The following RABGAP1L variants were observed in gnomAD, a reference collection of about 807,000 sequenced individuals.
RABGAP1L encodes RAB GTPase activating protein 1 like.
A neutral mutation model predicts 137.7 loss-of-function variants in RABGAP1L; 63 were observed. The ratio of observed to expected loss-of-function variants is 0.46; its 90% confidence interval spans 0.37 to 0.56. The LOEUF (loss-of-function observed/expected upper bound fraction) is 0.56. Ranked by LOEUF, RABGAP1L falls within the 20% of genes least tolerant of loss-of-function variation. The probability of loss-of-function intolerance (pLI) is 0.00; values close to 1 mark genes in which losing one functional copy is unlikely to be tolerated. For synonymous variants in RABGAP1L, 431 were observed against 433.7 expected (o/e 0.99, Z 0.08); for missense variants, 1,095 against 1,244.0 (o/e 0.88, Z 1.80).
chr1:174,318,333 A>G (rs886530839), intron 11 of RABGAP1L, among the ~76,000 whole-genome samples: 1 of 152,102 alleles, frequency 6.6e-6, no homozygotes, highest in Non-Finnish European at 1.5e-5. Flanking sequence ...TTTGCATGGG[A>G]TAACTTTTCT....
intron 17 of RABGAP1L, among the ~76,000 whole-genome samples, chr1:174,715,092 T>C (rs1292634737): frequency 6.6e-6 from 1 of 152,160 alleles, no homozygotes; most frequent in Non-Finnish European, 1.5e-5. Context: ...ATTTTCATAG[T>C]ATACATTTGC....
intron 14 of RABGAP1L, among the ~76,000 whole-genome samples, chr1:174,671,002 C>T: frequency 6.6e-6 from 1 of 152,130 alleles, no homozygotes; most frequent in East Asian, 1.9e-4. Context: ...AATTTACGTT[C>T]CCACCAACAG....
In RABGAP1L at chr1:174,991,131, A is replaced by C. The variant is rs1672028817; in HGVS notation, c.*1130A>C. On this transcript the variant is annotated 3_prime_UTR_variant, in exon 26 of 26. Transcript: ENST00000681986. ...TGATTGAATATAAAACCTTTACAGA[A>C]ATACTTATCTCATGGAAAGGTAAAG... 6.6e-6 allele frequency: 1 copy of C among 152,228 alleles called. No individual in the cohort carries two copies. Among genetic ancestry groups the C allele is most frequent in the South Asian group, 2.1e-4 (1 of 4,828 alleles). The allele number at this position is 152,228 out of a possible 1,614,324, so 9.4% of individuals were successfully genotyped here.
At chr1:174,461,315 G>T (rs1286691585) in intron 13 of RABGAP1L, among the ~76,000 whole-genome samples, 1 of 152,108 alleles carries the variant, frequency 6.6e-6, no homozygotes, top group African/African-American at 2.4e-5. Context: ...CCCAGGCCTG[G>T]TATTGATACT....
At chr1:174,787,135 G>A (rs1687502917) in intron 18 of RABGAP1L, among the ~76,000 whole-genome samples, 1 of 152,160 alleles carries the variant, frequency 6.6e-6, no homozygotes, top group African/African-American at 2.4e-5. Context: ...GGACATAGTG[G>A]CTCACACCTG....
chr1:174,833,612 G>A (rs533157679), intron 19 of RABGAP1L, among the ~76,000 whole-genome samples: 7 of 150,396 alleles, frequency 4.7e-5, no homozygotes, highest in Admixed American at 6.7e-5. Flanking sequence ...AGTGCAGTAT[G>A]ATCATTTACA....
At chr1:174,195,758 T>TC (rs1353850753) in intron 1 of RABGAP1L, among the ~76,000 whole-genome samples, 16 of 133,946 alleles carry the variant, frequency 1.2e-4, no homozygotes, top group African/African-American at 3.7e-4. Flanking sequence ...TTTCTCTCTT[T>TC]CTCTCTTTCT....
intron 19 of RABGAP1L, among the ~76,000 whole-genome samples, chr1:174,944,274 CAAAAA>C (rs56225773): frequency 3.9e-5 from 2 of 50,860 alleles, no homozygotes; most frequent in South Asian, 6.9e-4. Flanking sequence ...AAGACTGTCT[CAAAAA>C]AAAAAAAAAA....
At chr1:174,331,155 G>A (rs1313828915) in intron 11 of RABGAP1L, among the ~76,000 whole-genome samples, 1 of 152,034 alleles carries the variant, frequency 6.6e-6, no homozygotes, top group East Asian at 1.9e-4. Flanking sequence ...ATGAAACTAG[G>A]CCCCTCTCTC....
chr1:174,462,122 T>G (rs1319877841), intron 13 of RABGAP1L, among the ~76,000 whole-genome samples: 2 of 152,266 alleles, frequency 1.3e-5, no homozygotes, highest in East Asian at 3.9e-4. Context: ...AACTTTTCCC[T>G]GACTATGCTC....
At chr1:174,587,773 C>G (rs1214172752) in intron 13 of RABGAP1L, among the ~76,000 whole-genome samples, 1 of 150,370 alleles carries the variant, frequency 6.7e-6, no homozygotes, top group African/African-American at 2.4e-5. Context: ...CAATGCATGA[C>G]AATAACATCA....
chr1:174,365,005 C>T (rs1342485236), intron 11 of RABGAP1L, among the ~76,000 whole-genome samples: 1 of 152,170 alleles, frequency 6.6e-6, no homozygotes, highest in East Asian at 1.9e-4. Flanking sequence ...GTCCAAGATG[C>T]AAGACAGAGT....
chr1:174,486,351 C>CT (rs200712256), intron 13 of RABGAP1L, among the ~76,000 whole-genome samples: 215 of 132,284 alleles, frequency 1.6e-3, no homozygotes, highest in East Asian at 4.3e-3. Context: ...CTGCTCTGAT[C>CT]TTTTTTTTTT....
rs34780076 is a variant in RABGAP1L at position 174,778,602 on chromosome 1, A to AT, written c.2211+26258dup. 1.4e-4 allele frequency among the ~76,000 whole-genome samples: 21 copies of AT among 147,740 alleles called. 1 individual carries two copies. Among genetic ancestry groups the AT allele is most frequent in the South Asian group, 6.4e-4 (3 of 4,676 alleles). On this transcript the variant is annotated intron_variant, in intron 18 of 25. Coordinates refer to ENST00000681986, the MANE Select transcript of RABGAP1L (RefSeq NM_001366446.1). The stretch of plus-strand genomic sequence containing the variant: ...AACAATAAGTCCTTGAACCTTCTGC[A>AT]TTTTTTTTTTAAGTCAGAGTCTCAC...
intron 13 of RABGAP1L, among the ~76,000 whole-genome samples, chr1:174,527,681 G>A (rs1393827894): frequency 1.3e-5 from 2 of 152,112 alleles, no homozygotes; most frequent in African/African-American, 4.8e-5. Context: ...TAAATCCAAT[G>A]TTTCTTTACT....
intron 10 of RABGAP1L, among the ~76,000 whole-genome samples, chr1:174,304,296 G>A (rs550400640): frequency 6.6e-6 from 1 of 151,662 alleles, no homozygotes; most frequent in Non-Finnish European, 1.5e-5. Context: ...GATGTATTTT[G>A]TATGTGTATA....
intron 21 of RABGAP1L, among the ~76,000 whole-genome samples, chr1:174,973,218 A>G (rs1453301584): frequency 6.6e-6 from 1 of 152,238 alleles, no homozygotes; most frequent in Admixed American, 6.5e-5. Context: ...ATATGGTAAC[A>G]GTAGAAATAA....
chr1:174,943,790 G>A (rs1446534293), intron 19 of RABGAP1L, among the ~76,000 whole-genome samples: 3 of 148,766 alleles, frequency 2.0e-5, no homozygotes, highest in Admixed American at 6.7e-5. Context: ...CCGAGATCAC[G>A]CCACTGCACT....
At chr1:174,200,687 G>C (rs1218889318) in intron 1 of RABGAP1L, among the ~76,000 whole-genome samples, 1 of 152,106 alleles carries the variant, frequency 6.6e-6, no homozygotes, top group African/African-American at 2.4e-5. Flanking sequence ...ACATTTCTGG[G>C]ATTGAGATCA....
Sources: allele counts gnomAD v4.1 joint callset (sites outside exome capture counted in the v4.1 genomes callset), GRCh38; gene constraint gnomAD v4.1.1; transcripts MANE v1.5; gene names NCBI Gene and HGNC (gene_info 2026-07-23, HGNC 2026-07-21).